The following TSPAN13 variants were observed in gnomAD, a reference collection of about 807,000 sequenced individuals.
The protein encoded by TSPAN13 is tetraspanin-13.
Under a neutral mutation model 26.9 loss-of-function variants are expected in TSPAN13, and 18 were observed. The observed-to-expected ratio is 0.67, with a 90% CI of 0.46 to 0.99. The LOEUF is 0.99. Among genes scored for constraint, TSPAN13 ranks in the 50% least tolerant of loss-of-function variants. The pLI is 0.00. For synonymous variants in TSPAN13, 116 were observed against 98.4 expected, an observed-to-expected ratio of 1.18 and a Z score of -1.06; for missense variants, 201 against 249.6, an observed-to-expected ratio of 0.81 and a Z score of 1.31.
chr7:16,773,220 T>C (rs1784701504), intron 1 of TSPAN13, among the ~76,000 whole-genome samples: 1 of 151,840 alleles, frequency 6.6e-6, no homozygotes, highest in Non-Finnish European at 1.5e-5. Flanking sequence ...TTTTTCATTC[T>C]CTTCTATACC....
intron 1 of TSPAN13, among the ~76,000 whole-genome samples, chr7:16,775,164 T>G (rs1211919882): frequency 6.6e-6 from 1 of 152,218 alleles, no homozygotes; most frequent in East Asian, 1.9e-4. Context: ...GACTCATGAT[T>G]GAAGATACTG....
intron 1 of TSPAN13, 81 bp from the exon 2 acceptor site, chr7:16,776,130 T>G: frequency 4.9e-5 from 70 of 1,414,174 alleles, no homozygotes; most frequent in Non-Finnish European, 6.1e-5. Flanking sequence ...AGGATATTGT[T>G]GATATTTAAT....
chr7:16,766,436 T>C (rs76766827), intron 1 of TSPAN13, among the ~76,000 whole-genome samples: 1,663 of 152,178 alleles, frequency 0.011, 23 homozygotes, highest in African/African-American at 0.037. Flanking sequence ...CATCTAGGAG[T>C]TGGGCATGAA....
At chr7:16,754,280 C>T (rs1210793784) in intron 1 of TSPAN13, among the ~76,000 whole-genome samples, 1 of 152,218 alleles carries the variant, frequency 6.6e-6, no homozygotes, top group East Asian at 1.9e-4. Context: ...GTCTCTGCCA[C>T]ATTGCTCCAC....
chr7:16,781,816 G>A (rs1438768209), intron 5 of TSPAN13, among the ~76,000 whole-genome samples: 2 of 152,176 alleles, frequency 1.3e-5, no homozygotes, highest in East Asian at 3.8e-4. Context: ...ATTTGGGCAG[G>A]TTGAGGTGGG....
At chr7:16,773,274 T>G (rs971523589) in intron 1 of TSPAN13, among the ~76,000 whole-genome samples, 5 of 151,516 alleles carry the variant, frequency 3.3e-5, no homozygotes, top group African/African-American at 1.2e-4. Flanking sequence ...CACAGCCAGA[T>G]CCATCTCATT....
chr7:16,761,403 T>G (rs1380308032), intron 1 of TSPAN13, among the ~76,000 whole-genome samples: 1 of 152,264 alleles, frequency 6.6e-6, no homozygotes, highest in Admixed American at 6.5e-5. Context: ...TGCTTGATCT[T>G]TTCTGAATTG....
intron 1 of TSPAN13, among the ~76,000 whole-genome samples, chr7:16,758,408 A>G (rs1417284921): frequency 1.3e-5 from 2 of 152,166 alleles, no homozygotes; most frequent in African/African-American, 4.8e-5. Context: ...TCGTCCCCTC[A>G]TGAAGCTGTG....
At chr7:16,770,123 T>A (rs575099482) in intron 1 of TSPAN13, among the ~76,000 whole-genome samples, 1 of 151,954 alleles carries the variant, frequency 6.6e-6, no homozygotes, top group East Asian at 1.9e-4. Context: ...TTTGCATTTT[T>A]AAAAATATGG....
intron 4 of TSPAN13, among the ~76,000 whole-genome samples, chr7:16,778,582 T>C (rs1784780859): frequency 6.6e-6 from 1 of 152,188 alleles, no homozygotes; most frequent in African/African-American, 2.4e-5. Context: ...ACCCCTGTTT[T>C]TTTGCTGCCT....
At chr7:16,761,137 C>T (rs749371477) in intron 1 of TSPAN13, among the ~76,000 whole-genome samples, 6 of 152,158 alleles carry the variant, frequency 3.9e-5, no homozygotes, top group Admixed American at 2.6e-4. Context: ...CTTTCAATCA[C>T]CTTTATATAA....
chr7:16,776,953 T>G (rs979050063), intron 2 of TSPAN13, 89 bp from the exon 3 acceptor site: 2 of 773,700 alleles, frequency 2.6e-6, no homozygotes. Flanking sequence ...AATTACTTCT[T>G]GTGCATTCTA....
In TSPAN13 at chr7:16,775,505, A is replaced by C. The variant is rs181896192; in HGVS notation, c.64-706A>C. The stretch of plus-strand genomic sequence containing the variant: ...ATCTCTCTATATATGATTTTTAATA[A>C]AATAGATGATGACATTTAAAGCAGT... On this transcript the variant is annotated intron_variant, in intron 1 of 5. Transcript: ENST00000262067. Among the ~76,000 whole-genome samples the C allele has an allele frequency of 2.0e-5, 3 of 152,312 alleles. No individual in the cohort carries two copies. The East Asian group carries it at 5.8e-4, about 29-fold the overall frequency.
intron 1 of TSPAN13, among the ~76,000 whole-genome samples, chr7:16,762,586 T>C (rs1784555807): frequency 6.6e-6 from 1 of 152,054 alleles, no homozygotes; most frequent in Non-Finnish European, 1.5e-5. Context: ...AAGACCACAA[T>C]GTTAGGAATA....
At chr7:16,755,548 T>TTC (rs1483071149) in intron 1 of TSPAN13, among the ~76,000 whole-genome samples, 1 of 151,686 alleles carries the variant, frequency 6.6e-6, no homozygotes, top group African/African-American at 2.4e-5. Context: ...AGGGTTTTTT[T>TTC]TTTTTTTTTT....
chr7:16,763,448 A>G (rs1394109903), intron 1 of TSPAN13, among the ~76,000 whole-genome samples: 1 of 152,198 alleles, frequency 6.6e-6, no homozygotes, highest in East Asian at 1.9e-4. Context: ...TAGTTGGGTC[A>G]TAAGGTTTTG....
intron 4 of TSPAN13, 89 bp downstream of exon 4, chr7:16,778,000 T>A: frequency 1.1e-6 from 1 of 909,622 alleles, no homozygotes. Context: ...TGATGCTGAA[T>A]TGTATTTTCA....
intron 3 of TSPAN13, 135 bp from the exon 4 acceptor site, chr7:16,777,663 T>G: frequency 1.8e-6 from 1 of 546,872 alleles, no homozygotes; most frequent in Non-Finnish European, 3.0e-6. Context: ...AACTGAGGAA[T>G]AAGCCTTTGA....
At chr7:16,773,747 A>G (rs978350021) in intron 1 of TSPAN13, among the ~76,000 whole-genome samples, 1 of 152,368 alleles carries the variant, frequency 6.6e-6, no homozygotes, top group African/African-American at 2.4e-5. Context: ...GGATTTAAAG[A>G]ATCTTTTAAA....
Sources: allele counts gnomAD v4.1 joint callset (sites outside exome capture counted in the v4.1 genomes callset), GRCh38; gene constraint gnomAD v4.1.1; transcripts MANE v1.5; gene names NCBI Gene and HGNC (gene_info 2026-07-23, HGNC 2026-07-21).